GBP2: variants seen among roughly 807,000 people sequenced by gnomAD.
GBP2 encodes the protein guanylate binding protein 2, also known as guanylate-binding protein 2.
In GBP2, 54 loss-of-function variants were observed where a neutral mutation model predicts 60.8. The observed-to-expected ratio is 0.89, with a 90% CI of 0.71 to 1.11. GBP2 has a LOEUF of 1.11. Among genes scored for constraint, GBP2 ranks in the 50% most tolerant of loss-of-function variants. The probability of loss-of-function intolerance (pLI) is 0.00; values close to 1 mark genes in which losing one functional copy is unlikely to be tolerated. For synonymous variants in GBP2, 243 were observed against 256.5 expected (o/e 0.95, Z 0.50); for missense variants, 665 against 703.3 (o/e 0.95, Z 0.62).
intron 1 of GBP2, among the ~76,000 whole-genome samples, chr1:89,124,188 A>G (rs2100622500): frequency 6.6e-6 from 1 of 152,338 alleles, no homozygotes; most frequent in East Asian, 1.9e-4. Flanking sequence ...TGCTGCAATG[A>G]AAACCTCTGC....
At chr1:89,117,440 C>A in intron 5 of GBP2, 137 bp downstream of exon 5, 1 of 921,928 alleles carries the variant, frequency 1.1e-6, no homozygotes, top group Non-Finnish European at 1.7e-6. Context: ...TATAGTCAAG[C>A]AATGTTTCCA....
intron 10 of GBP2, 26 bp downstream of exon 10, chr1:89,109,651 A>G: frequency 6.2e-7 from 1 of 1,605,728 alleles, no homozygotes; most frequent in Admixed American, 1.7e-5. Context: ...ACTGGAAGAG[A>G]AAATTGAGAT....
At chr1:89,122,287 G>C (rs1248467462) in intron 1 of GBP2, among the ~76,000 whole-genome samples, 1 of 152,162 alleles carries the variant, frequency 6.6e-6, no homozygotes, top group Non-Finnish European at 1.5e-5. Flanking sequence ...AACATTGGTA[G>C]AGTGATAACT....
intron 1 of GBP2, 66 bp from the exon 2 acceptor site, chr1:89,122,049 C>A: frequency 8.5e-7 from 1 of 1,179,932 alleles, no homozygotes; most frequent in Non-Finnish European, 1.1e-6. Flanking sequence ...CTGAACTTTA[C>A]AATATGGGTT....
chr1:89,117,353 TAAA>T (rs1180812630), intron 5 of GBP2, 119 bp from the exon 6 acceptor site: 15 of 1,006,346 alleles, frequency 1.5e-5, no homozygotes, highest in Admixed American at 2.8e-5. Context: ...GAAGAAGAAA[TAAA>T]AAATTAAAGG....
rs1330130303 is a variant in GBP2, at chr1:89,106,152, T to A, written c.*2023A>T. 2.0e-5 allele frequency: 3 copies of A among 151,690 alleles called. No individual in the cohort carries two copies. The highest frequency in any genetic ancestry group is 4.4e-5 in the Non-Finnish European group (3 of 67,910). The allele number at this position is 151,690 out of a possible 1,614,324, so 9.4% of individuals were successfully genotyped here. A position where few individuals can be genotyped will look rare whatever the true frequency, so the allele number is the denominator to read the frequency against. ...AAAAATTTAGGTCAAATGTTATTTT[T>A]TTTTTTAGAAAAAGAGACTATTCAT... On this transcript the variant is annotated 3_prime_UTR_variant, in exon 11 of 11. Transcript: ENST00000370466.
At chr1:89,116,082 C>A (rs760675870) in intron 6 of GBP2, among the ~76,000 whole-genome samples, 1 of 151,924 alleles carries the variant, frequency 6.6e-6, no homozygotes. Flanking sequence ...GTGCAGTCTC[C>A]GCTCACTGCA....
chr1:89,108,060 T>C lies in GBP2; in HGVS notation c.*115A>G, dbSNP rs1477427955. The C allele has an allele frequency of 6.1e-6, 4 of 657,322 alleles. No individual in the cohort carries two copies. Among genetic ancestry groups the C allele is most frequent in the African/African-American group, 5.5e-5 (3 of 54,618 alleles). 40.7% of individuals were successfully genotyped at this position (657,322 alleles called of 1,614,324 possible). A position where few individuals can be genotyped will look rare whatever the true frequency, so the allele number is the denominator to read the frequency against. On this transcript the variant is annotated 3_prime_UTR_variant, in exon 11 of 11. Coordinates refer to ENST00000370466, the MANE Select transcript of GBP2 (RefSeq NM_004120.5). Reference sequence around the variant, plus strand: ...AACTTTATGGTTCAACAAAAATGCATGCATCATGATTTTGAGTTAAGTTTA... The same window carrying C: ...AACTTTATGGTTCAACAAAAATGCACGCATCATGATTTTGAGTTAAGTTTA...
At position 89,106,292 on chromosome 1, in the gene GBP2, C is replaced by T. The variant is rs4656093; in HGVS notation, c.*1883G>A. 112,185 of 152,048 alleles carry T rather than the reference C, an allele frequency of 0.74. 41,676 individuals are homozygous for T. Among genetic ancestry groups the T allele is most frequent in the African/African-American group, 0.81 (33,779 of 41,460 alleles). 9.4% of individuals were successfully genotyped at this position (152,048 alleles called of 1,614,324 possible). A position where few individuals can be genotyped will look rare whatever the true frequency, so the allele number is the denominator to read the frequency against. ...CTTTCACAGAACTAGATACAAAATA[C>T]TAACTGTTTGAAAGGTAAGAGCAAT... On this transcript the variant is annotated 3_prime_UTR_variant, in exon 11 of 11. Coordinates refer to ENST00000370466, the MANE Select transcript of GBP2 (RefSeq NM_004120.5).
At position 89,120,199 on chromosome 1, in the gene GBP2, C is replaced by A. The variant is rs1423182059; in HGVS notation, c.408G>T (p.Gln136His). 1.9e-6 allele frequency: 3 copies of A among 1,613,852 alleles called. No individual in the cohort carries two copies. Among genetic ancestry groups the A allele is most frequent in the Non-Finnish European group, 2.5e-6 (3 of 1,179,772 alleles). ...FVYNSMGTIN[Q>H]QAMDQLHYVT... Reference sequence around the variant, plus strand: ...GATACTGAAGTTGGTCCATGGCCTGCTGGTTGATGGTTCCCATGCTATTGT... The same window carrying A: ...GATACTGAAGTTGGTCCATGGCCTGATGGTTGATGGTTCCCATGCTATTGT... Residue 136 changes from glutamine (Q) to histidine (H), a missense_variant, in exon 4 of 11, where the codon CAG becomes CAT. Physicochemically the swap from Gln to His is conservative, Grantham distance 24 (BLOSUM62 0). Transcript: ENST00000370466.
In GBP2 at chr1:89,110,164, C is replaced by T. The variant is rs746374299; in HGVS notation, c.1465G>A (p.Val489Met). Residue 489 changes from valine (V) to methionine (M), a missense_variant and splice_region_variant, in exon 9 of 11, where the codon GTG (valine) becomes ATG (methionine). Val to Met is a conservative substitution (Grantham distance 21, BLOSUM62 1). Transcript: ENST00000370466. ...SLSEKEKAIE[V>M]ERIKAESAEA... ...GTAGAGTGTTTTCAGCTGTTCTCACCTTCAATCGCTTTTTCCTTTTCTGAG... is the reference window on the plus strand; with the variant it reads ...GTAGAGTGTTTTCAGCTGTTCTCACTTTCAATCGCTTTTTCCTTTTCTGAG... 2 of 1,610,262 alleles carry T rather than the reference C, an allele frequency of 1.2e-6. No individual in the cohort carries two copies. The highest frequency in any genetic ancestry group is 1.1e-5 in the South Asian group (1 of 90,944).
In GBP2 at chr1:89,117,106, T is replaced by G. The variant is rs778042009; in HGVS notation, c.754A>C (p.Lys252Gln). 1 of 1,614,168 alleles carries G rather than the reference T, an allele frequency of 6.2e-7. No individual in the cohort carries two copies. Among genetic ancestry groups the G allele is most frequent in the East Asian group, 2.2e-5 (1 of 44,890 alleles). Residue 252 changes from lysine to glutamine, a missense_variant, in exon 6 of 11, where the codon AAG becomes CAG. Lys to Gln is a moderately conservative substitution (Grantham distance 53). Coordinates refer to ENST00000370466, the MANE Select transcript of GBP2 (RefSeq NM_004120.5). ...AAATCAGGGTTCAGCTCTTCCTCCT[T>G]TAGCTGCTCTAGGTGAGCAAGGTAC... The part of the protein sequence containing the change: ...KKYLAHLEQL[K>Q]EEELNPDFIE...
rs1570314144 is a variant in GBP2 at position 89,107,894 on chromosome 1, A to T, written c.*281T>A. 1 of 277,350 alleles carries T rather than the reference A, an allele frequency of 3.6e-6. No homozygotes were observed. Among genetic ancestry groups the T allele is most frequent in the East Asian group, 1.1e-4 (1 of 9,148 alleles). The allele number at this position is 277,350 out of a possible 1,614,324, so 17.2% of individuals were successfully genotyped here. A position where few individuals can be genotyped will look rare whatever the true frequency, so the allele number is the denominator to read the frequency against. Reference sequence around the variant, plus strand: ...TTGGAAAATGCATCCTAGTTACACAATATCTCTCTTGAGTCCTTGTGTATG... The same window carrying T: ...TTGGAAAATGCATCCTAGTTACACATTATCTCTCTTGAGTCCTTGTGTATG... On this transcript the variant is annotated 3_prime_UTR_variant, in exon 11 of 11. Coordinates refer to ENST00000370466, the MANE Select transcript of GBP2 (RefSeq NM_004120.5).
chr1:89,118,492 T>C (rs528876567), intron 4 of GBP2: 2 of 152,326 alleles, frequency 1.3e-5, no homozygotes, highest in South Asian at 2.1e-4. Flanking sequence ...TGAAATTTAA[T>C]AGAAAGTTAA....
At chr1:89,118,960 GGA>G (rs1681339031) in intron 4 of GBP2, 1 of 152,078 alleles carries the variant, frequency 6.6e-6, no homozygotes, top group African/African-American at 2.4e-5. Flanking sequence ...ACCAGAAGCT[GGA>G]TACAAAAGTT....
chr1:89,110,300 A>G (rs1681137561), intron 8 of GBP2, 34 bp from the exon 9 acceptor site: 11 of 1,531,336 alleles, frequency 7.2e-6, no homozygotes, highest in South Asian at 2.2e-5. Flanking sequence ...ATGAAGAAAG[A>G]GTGATTGTGG....
At chr1:89,121,069 G>T in intron 3 of GBP2, 74 bp downstream of exon 3, 1 of 1,172,660 alleles carries the variant, frequency 8.5e-7, no homozygotes, top group Non-Finnish European at 1.2e-6. Flanking sequence ...TGCAAAGATG[G>T]TTATCGATCT....
chr1:89,125,535 T>C (rs1432676222), intron 1 of GBP2, among the ~76,000 whole-genome samples: 1 of 152,326 alleles, frequency 6.6e-6, no homozygotes, highest in African/African-American at 2.4e-5. Flanking sequence ...GTTGCCTACC[T>C]TCATTTACCT....
At position 89,107,321 on chromosome 1, in the gene GBP2, G is replaced by A. The variant is rs77700335; in HGVS notation, c.*854C>T. 2.6e-3 allele frequency among the ~76,000 whole-genome samples: 394 copies of A among 152,186 alleles called. No individual in the cohort carries two copies. The highest frequency in any genetic ancestry group is 4.1e-3 in the Admixed American group (63 of 15,290). ...TAGGCTTTATAGGATTATAGTCCTG[G>A]TCCTCAGAAGAATGGAAAGTAATTT... On this transcript the variant is annotated 3_prime_UTR_variant, in exon 11 of 11. Transcript: ENST00000370466.
Sources: gnomAD v4.1 joint callset for allele counts (sites outside exome capture counted in the v4.1 genomes callset) on GRCh38, gnomAD v4.1.1 for gene constraint, MANE v1.5 for transcripts, NCBI Gene and HGNC (gene_info 2026-07-23, HGNC 2026-07-21) for gene names.